LIPA: variants seen among roughly 807,000 people sequenced by gnomAD.
LIPA encodes the protein lipase A, lysosomal acid type.
LIPA carries 26 observed loss-of-function variants against 40.6 expected under a neutral mutation model. The observed-to-expected ratio is 0.64, with a 90% CI of 0.47 to 0.89. The LOEUF (loss-of-function observed/expected upper bound fraction) is 0.89. Among genes scored for constraint, LIPA ranks in the 40% least tolerant of loss-of-function variants. The probability of loss-of-function intolerance (pLI) is 0.00; values close to 1 mark genes in which losing one functional copy is unlikely to be tolerated. For missense variants in LIPA, 455 were observed against 479.6 expected, an observed-to-expected ratio of 0.95 and a Z score of 0.48; for synonymous variants, 188 against 168.4, an observed-to-expected ratio of 1.12 and a Z score of -0.90.
chr10:89,285,849 C>A (rs1311622760), intron 1 of LIPA, among the ~76,000 whole-genome samples: 1 of 151,940 alleles, frequency 6.6e-6, no homozygotes, highest in Non-Finnish European at 1.5e-5. Context: ...CAAGAACCCC[C>A]CACCCCTTCT....
chr10:89,383,478 C>T, intron 2 of LIPA: 1 of 1,614,218 alleles, frequency 6.2e-7, no homozygotes, highest in Non-Finnish European at 8.5e-7. Context: ...TGGGAATACA[C>T]AACCTACTAG....
chr10:89,403,479 T>G (rs750808912), intron 2 of LIPA: 3 of 1,612,284 alleles, frequency 1.9e-6, no homozygotes, highest in African/African-American at 1.3e-5. Context: ...AATTATCCAT[T>G]ATTTAAAAGC....
chr10:89,392,958 C>A, intron 2 of LIPA: 1 of 664,416 alleles, frequency 1.5e-6, no homozygotes, highest in Non-Finnish European at 2.5e-6. Flanking sequence ...ATGCTATAGC[C>A]CAAAGAAGGG....
At chr10:89,278,449 G>C (rs969188940) in intron 1 of LIPA, 1 of 152,186 alleles carries the variant, frequency 6.6e-6, no homozygotes, top group Non-Finnish European at 1.5e-5. Context: ...AGTTTGCCAG[G>C]CACCATCCCT....
upstream of LIPA, among the ~76,000 whole-genome samples, chr10:89,252,627 G>C (rs1021044478): frequency 2.6e-5 from 4 of 152,160 alleles, no homozygotes; most frequent in African/African-American, 9.7e-5. Context: ...GGCCAACTTG[G>C]TGAAACCCCA....
Position 89,215,068 on chromosome 10 carries a change from T to C in LIPA, c.967-7A>G. The C allele has an allele frequency of 1.3e-6, 2 of 1,591,558 alleles. No individual in the cohort carries two copies. The highest frequency in any genetic ancestry group is 1.7e-6 in the Non-Finnish European group (2 of 1,159,428). ...TGTATGTGGGAGGATAACTCTACAATGAAAAGGAACCAGAGAAAGCCTCGT... is the reference window on the plus strand; with the variant it reads ...TGTATGTGGGAGGATAACTCTACAACGAAAAGGAACCAGAGAAAGCCTCGT... On this transcript the variant is annotated splice_polypyrimidine_tract_variant and splice_region_variant and intron_variant, in intron 9 of 9. Coordinates refer to ENST00000336233, the MANE Select transcript of LIPA (RefSeq NM_000235.4).
At chr10:89,237,193 C>A (rs1036430017) in intron 3 of LIPA, among the ~76,000 whole-genome samples, 1 of 152,164 alleles carries the variant, frequency 6.6e-6, no homozygotes, top group African/African-American at 2.4e-5. Flanking sequence ...GGTGAGAAGA[C>A]TGGTTGAGCC....
chr10:89,414,467 G>A (rs2133648730), exon 1 of LIPA: 1 of 313,862 alleles, frequency 3.2e-6, no homozygotes, highest in African/African-American at 2.1e-5. Flanking sequence ...ATTCAACTCC[G>A]AAAGACCCTG....
chr10:89,270,897 C>G (rs1296731540), intron 1 of LIPA, among the ~76,000 whole-genome samples: 2 of 152,206 alleles, frequency 1.3e-5, no homozygotes, highest in Admixed American at 1.3e-4. Flanking sequence ...TTTTGATGAA[C>G]AGTGGCTGGC....
intron 1 of LIPA, among the ~76,000 whole-genome samples, chr10:89,333,620 A>G (rs771540706): frequency 6.6e-6 from 1 of 152,236 alleles, no homozygotes; most frequent in Non-Finnish European, 1.5e-5. Flanking sequence ...GGATTGCTTG[A>G]GCCCAGGGGC....
At chr10:89,228,536 G>A (rs912402607) in intron 3 of LIPA, 138 bp from the exon 4 acceptor site, 2 of 801,018 alleles carry the variant, frequency 2.5e-6, no homozygotes, top group South Asian at 1.5e-5. Context: ...ACATAGTGAT[G>A]TACTCACATA....
upstream of LIPA, among the ~76,000 whole-genome samples, chr10:89,344,132 C>G (rs529026322): frequency 1.3e-3 from 196 of 152,212 alleles, 3 homozygotes; most frequent in South Asian, 0.039. Context: ...TCCTTACAAG[C>G]ATTATGGTAG....
chr10:89,365,021 T>A (rs765295924), intron 2 of LIPA, among the ~76,000 whole-genome samples: 1 of 152,216 alleles, frequency 6.6e-6, no homozygotes. Context: ...TAGCCTTCCA[T>A]GAATTGCACA....
At chr10:89,401,574 A>T (rs1275661240) in intron 2 of LIPA, among the ~76,000 whole-genome samples, 1 of 152,124 alleles carries the variant, frequency 6.6e-6, no homozygotes, top group Non-Finnish European at 1.5e-5. Flanking sequence ...TCGTTTCTTT[A>T]TCAAAGTGGT....
intron 8 of LIPA, among the ~76,000 whole-genome samples, chr10:89,217,081 C>T (rs1842637772): frequency 6.6e-6 from 1 of 152,188 alleles, no homozygotes; most frequent in Admixed American, 6.5e-5. Flanking sequence ...ATTTCCTCTA[C>T]ACTCTCAAAT....
chr10:89,350,603 C>A (rs567971279), intron 2 of LIPA, among the ~76,000 whole-genome samples: 72 of 151,684 alleles, frequency 4.7e-4, no homozygotes, highest in African/African-American at 1.7e-3. Flanking sequence ...CCGTGCCTGG[C>A]CTGAAGTTAC....
chr10:89,340,824 T>C (rs1303942643), intron 1 of LIPA: 1 of 152,208 alleles, frequency 6.6e-6, no homozygotes, highest in Non-Finnish European at 1.5e-5. Flanking sequence ...AACTCAAAGA[T>C]TAACTTTTGA....
chr10:89,336,112 CA>C (rs1297958088), intron 1 of LIPA, among the ~76,000 whole-genome samples: 7 of 104,620 alleles, frequency 6.7e-5, no homozygotes, highest in East Asian at 3.3e-4. Flanking sequence ...CCTGTCTCTG[CA>C]AAAAAAGGAA....
intron 1 of LIPA, among the ~76,000 whole-genome samples, chr10:89,272,206 G>C (rs550353889): frequency 7.2e-5 from 11 of 152,170 alleles, no homozygotes; most frequent in African/African-American, 2.4e-4. Flanking sequence ...GGTATTAAGC[G>C]TAGTACCCAT....
Sources: gnomAD v4.1 joint callset for allele counts (sites outside exome capture counted in the v4.1 genomes callset) on GRCh38, gnomAD v4.1.1 for gene constraint, MANE v1.5 for transcripts, NCBI Gene and HGNC (gene_info 2026-07-23, HGNC 2026-07-21) for gene names.